Variants in RPIA observed in about 807,000 individuals in gnomAD.
RPIA encodes ribose 5-phosphate isomerase A, also known as ribose-5-phosphate isomerase.
In RPIA, 29 loss-of-function variants were observed where a neutral mutation model predicts 37.8. The ratio of observed to expected loss-of-function variants is 0.77; its 90% CI spans 0.57 to 1.05. RPIA has a LOEUF of 1.05. RPIA is among the 50% of genes least tolerant of loss of function. The pLI is 0.00. For synonymous variants in RPIA, 167 were observed against 157.0 expected (o/e 1.06, Z -0.48); for missense variants, 385 against 413.6 (o/e 0.93, Z 0.60).
chr2:88,724,022 G>C (rs1367823523), intron 3 of RPIA, among the ~76,000 whole-genome samples: 3 of 152,190 alleles, frequency 2.0e-5, no homozygotes, highest in Admixed American at 6.5e-5. Flanking sequence ...ATTTATCACA[G>C]TGAGCAGAGG....
chr2:88,721,466 A>G lies in RPIA; in HGVS notation c.403-7812A>G, dbSNP rs199979548. On this transcript the variant is annotated intron_variant, in intron 3 of 8. Coordinates refer to ENST00000283646, the MANE Select transcript of RPIA (RefSeq NM_144563.3). ...TAATTAGTATAATATAAAATACAAC[A>G]TATTAGTATATTGTTTTATTATTAT... is the stretch of plus-strand genomic sequence containing the variant. Among the ~76,000 whole-genome samples the G allele has an allele frequency of 1.2e-4, 17 of 147,494 alleles. No homozygotes were observed. The East Asian group carries it at 2.5e-3, about 22-fold the overall frequency.
Position 88,691,891 on chromosome 2 carries a change from TC to T in RPIA, c.195del (p.Asn66ThrfsTer29). The T allele has an allele frequency of 6.3e-7, 1 of 1,596,062 alleles. No homozygotes were observed. Among genetic ancestry groups the T allele is most frequent in the Non-Finnish European group, 8.5e-7 (1 of 1,172,638 alleles). ...CAACACAAGCACCAGCTGCGGGGACTCCAACAGCATCTGCCCGGCCCCCTCC... is the reference window on the plus strand; with the variant it reads ...CAACACAAGCACCAGCTGCGGGGACTCAACAGCATCTGCCCGGCCCCCTCC... ...AGNTSTSCGD[S>X]NSICPAPSTM... On this transcript the variant is annotated frameshift_variant, in exon 1 of 9. Coordinates refer to ENST00000283646, the MANE Select transcript of RPIA (RefSeq NM_144563.3). LOFTEE classifies it high-confidence loss of function.
intron 8 of RPIA, among the ~76,000 whole-genome samples, chr2:88,747,102 C>T (rs1489489699): frequency 6.6e-6 from 1 of 152,166 alleles, no homozygotes; most frequent in Non-Finnish European, 1.5e-5. Context: ...CTGAGTCAGA[C>T]TTTCCTTGGG....
intron 3 of RPIA, among the ~76,000 whole-genome samples, chr2:88,716,355 C>T (rs1258348069): frequency 6.6e-6 from 1 of 152,198 alleles, no homozygotes; most frequent in Non-Finnish European, 1.5e-5. Context: ...TGTACCCCAA[C>T]CACCTTGGGA....
At chr2:88,715,388 C>G (rs1354329764) in intron 3 of RPIA, among the ~76,000 whole-genome samples, 1 of 152,128 alleles carries the variant, frequency 6.6e-6, no homozygotes, top group Non-Finnish European at 1.5e-5. Context: ...TTCTTAAAAG[C>G]CTTATGATTC....
chr2:88,699,565 A>C (rs1054288764), intron 2 of RPIA, among the ~76,000 whole-genome samples: 3 of 152,188 alleles, frequency 2.0e-5, no homozygotes, highest in Non-Finnish European at 4.4e-5. Context: ...AGGGGAGTTA[A>C]GACTGTGTGG....
chr2:88,747,376 T>A (rs764871874), intron 8 of RPIA, among the ~76,000 whole-genome samples: 1 of 152,200 alleles, frequency 6.6e-6, no homozygotes, highest in Non-Finnish European at 1.5e-5. Context: ...AGCAGGCCTC[T>A]CAGGCCTCGC....
intron 3 of RPIA, among the ~76,000 whole-genome samples, chr2:88,721,571 A>ACCCCC (rs1156741297): frequency 4.4e-5 from 1 of 22,984 alleles, no homozygotes; most frequent in Non-Finnish European, 8.0e-5. Context: ...ACACACACAC[A>ACCCCC]CCCCCCCCCC....
intron 3 of RPIA, among the ~76,000 whole-genome samples, chr2:88,702,243 G>A (rs1573461091): frequency 6.6e-6 from 1 of 152,206 alleles, no homozygotes; most frequent in African/African-American, 2.4e-5. Context: ...CCAAATGGCA[G>A]TATAATTTAA....
At chr2:88,694,863 G>T (rs1672706177) in intron 1 of RPIA, among the ~76,000 whole-genome samples, 1 of 151,192 alleles carries the variant, frequency 6.6e-6, no homozygotes, top group African/African-American at 2.4e-5. Flanking sequence ...CCGTTGCAGG[G>T]TTTCCCCAGT....
At chr2:88,710,885 G>A (rs917213826) in intron 3 of RPIA, among the ~76,000 whole-genome samples, 2 of 152,182 alleles carry the variant, frequency 1.3e-5, no homozygotes, top group African/African-American at 4.8e-5. Context: ...TACCCCTGAG[G>A]TGGTCTGCTC....
chr2:88,729,371 ATTTC>A, intron 4 of RPIA, 34 bp downstream of exon 4: 1 of 1,599,040 alleles, frequency 6.3e-7, no homozygotes, highest in Non-Finnish European at 8.6e-7. Context: ...ACCACTGCGT[ATTTC>A]TTTCCGCTTT....
intron 3 of RPIA, among the ~76,000 whole-genome samples, chr2:88,722,055 A>T (rs891655691): frequency 1.3e-5 from 2 of 151,012 alleles, no homozygotes; most frequent in Admixed American, 1.3e-4. Flanking sequence ...TGTCCTGAAC[A>T]TACCTCTTTC....
At chr2:88,699,927 G>C in intron 2 of RPIA, 82 bp from the exon 3 acceptor site, 1 of 1,436,918 alleles carries the variant, frequency 7.0e-7, no homozygotes, top group Admixed American at 1.7e-5. Flanking sequence ...TCCCTTGTCT[G>C]TTGGTTTCGA....
At chr2:88,715,081 G>A (rs968556274) in intron 3 of RPIA, among the ~76,000 whole-genome samples, 2 of 152,188 alleles carry the variant, frequency 1.3e-5, no homozygotes, top group Admixed American at 6.5e-5. Flanking sequence ...AAGTCAATAC[G>A]CAGAGACACT....
intron 8 of RPIA, among the ~76,000 whole-genome samples, chr2:88,743,066 T>C (rs982965516): frequency 3.9e-5 from 6 of 152,096 alleles, no homozygotes; most frequent in African/African-American, 1.4e-4. Context: ...AGGGCTTCAA[T>C]AGTATGTTGG....
Position 88,715,742 on chromosome 2 carries a change from C to T in RPIA, c.403-13536C>T, listed in dbSNP as rs530037497. 1.1e-4 allele frequency among the ~76,000 whole-genome samples: 17 copies of T among 152,190 alleles called. No individual in the cohort carries two copies. The South Asian group carries it at 3.3e-3, about 30-fold the overall frequency. On this transcript the variant is annotated intron_variant, in intron 3 of 8. Coordinates refer to ENST00000283646, the MANE Select transcript of RPIA (RefSeq NM_144563.3). ...TAGTACTGGCCTAGGTTTTTTGTTT[C>T]TTATTCCTGCATTTACCGTTGTCCA...
intron 3 of RPIA, among the ~76,000 whole-genome samples, chr2:88,721,573 C>T (rs13429180): frequency 4.2e-5 from 1 of 23,806 alleles, no homozygotes; most frequent in African/African-American, 1.7e-4. Context: ...ACACACACAC[C>T]CCCCCCCCCA....
chr2:88,694,847 A>G lies in RPIA; in HGVS notation c.285+2864A>G, dbSNP rs550019218. On this transcript the variant is annotated intron_variant, in intron 1 of 8. Coordinates refer to ENST00000283646, the MANE Select transcript of RPIA (RefSeq NM_144563.3). ...GCTGCAGGTGAAGAAGAATCTGAAC[A>G]GACAGCCGTTGCAGGGTTTCCCCAG... Among the ~76,000 whole-genome samples the G allele has an allele frequency of 2.0e-5, 3 of 152,290 alleles. No homozygotes were observed. The East Asian group carries it at 5.8e-4, about 29-fold the overall frequency.
Sources: gnomAD v4.1 joint callset for allele counts (sites outside exome capture counted in the v4.1 genomes callset) on GRCh38, gnomAD v4.1.1 for gene constraint, MANE v1.5 for transcripts, NCBI Gene and HGNC (gene_info 2026-07-23, HGNC 2026-07-21) for gene names.